SV2C: variants seen among roughly 807,000 people sequenced by gnomAD.
SV2C encodes the protein synaptic vesicle glycoprotein 2C.
In SV2C, 49 loss-of-function variants were observed where a neutral mutation model predicts 79.7. The observed-to-expected ratio is 0.61, with a 90% CI of 0.49 to 0.78. SV2C has a LOEUF of 0.78. Ranked by LOEUF, SV2C falls within the 30% of genes least tolerant of loss-of-function variation. The pLI is 0.00. For synonymous variants in SV2C, 334 were observed against 333.2 expected (o/e 1.00, Z -0.03); for missense variants, 833 against 912.9 (o/e 0.91, Z 1.13).
intron 4 of SV2C, among the ~76,000 whole-genome samples, chr5:76,281,725 T>C (rs1747201743): frequency 6.6e-6 from 1 of 152,180 alleles, no homozygotes; most frequent in South Asian, 2.1e-4. Flanking sequence ...CACTCCTCTA[T>C]CTTCAAAGCC....
At chr5:75,964,157 T>G in the SV2C span, among the ~76,000 whole-genome samples, 3 of 152,126 alleles carry the variant, frequency 2.0e-5, no homozygotes, top group African/African-American at 7.2e-5. Context: ...TGTTGTTGGT[T>G]TCTGTCATGT....
chr5:76,126,242 A>G (rs113171830), intron 1 of SV2C, among the ~76,000 whole-genome samples: 2,141 of 152,318 alleles, frequency 0.014, 16 homozygotes, highest in Non-Finnish European at 0.02. Flanking sequence ...GCTAAGCAAT[A>G]AAGAAAGGAA....
At chr5:76,008,765 C>T in the SV2C span, among the ~76,000 whole-genome samples, 4 of 152,124 alleles carry the variant, frequency 2.6e-5, no homozygotes, top group Admixed American at 6.5e-5. Flanking sequence ...GATCATTTCA[C>T]TTATCCAATC....
At chr5:76,069,129 A>C in the SV2C span, among the ~76,000 whole-genome samples, 1 of 152,206 alleles carries the variant, frequency 6.6e-6, no homozygotes, top group African/African-American at 2.4e-5. Flanking sequence ...GTTACAATTG[A>C]TCTTTTCATA....
At chr5:76,181,401 A>G (rs1161178977) in intron 2 of SV2C, among the ~76,000 whole-genome samples, 1 of 152,174 alleles carries the variant, frequency 6.6e-6, no homozygotes, top group Non-Finnish European at 1.5e-5. Flanking sequence ...GCCTTTTCAC[A>G]CTAGGGCTTT....
At chr5:76,286,016 C>T in intron 6 of SV2C, 146 bp downstream of exon 6, 1 of 612,882 alleles carries the variant, frequency 1.6e-6, no homozygotes, top group South Asian at 2.2e-5. Flanking sequence ...CAAAAGCAGC[C>T]ATAGGCAATG....
chr5:76,182,564 G>C (rs967107073), intron 2 of SV2C, among the ~76,000 whole-genome samples: 5 of 152,146 alleles, frequency 3.3e-5, no homozygotes, highest in South Asian at 2.1e-4. Flanking sequence ...TGAGGAAAGC[G>C]AGGTGCCTCG....
intron 12 of SV2C, among the ~76,000 whole-genome samples, chr5:76,340,057 A>G (rs1749411125): frequency 6.6e-6 from 1 of 152,210 alleles, no homozygotes; most frequent in Admixed American, 6.5e-5. Flanking sequence ...ACCTCTGATC[A>G]TCCTCAGTGC....
At chr5:76,065,884 C>A in the SV2C span, among the ~76,000 whole-genome samples, 1 of 152,116 alleles carries the variant, frequency 6.6e-6, no homozygotes, top group East Asian at 1.9e-4. Context: ...TTTTAGGGTT[C>A]TACTTTAGGA....
intron 4 of SV2C, among the ~76,000 whole-genome samples, chr5:76,245,424 A>G (rs1745915247): frequency 6.6e-6 from 1 of 152,196 alleles, no homozygotes; most frequent in Non-Finnish European, 1.5e-5. Context: ...AATGATTCTG[A>G]AGAGTCCAAG....
intron 8 of SV2C, among the ~76,000 whole-genome samples, chr5:76,292,763 G>A (rs1747607886): frequency 6.6e-6 from 1 of 152,174 alleles, no homozygotes. Flanking sequence ...CCATATATGT[G>A]TTCCAGGAAA....
intron 12 of SV2C, among the ~76,000 whole-genome samples, chr5:76,321,179 G>A (rs546397383): frequency 5.9e-5 from 9 of 152,204 alleles, no homozygotes; most frequent in Admixed American, 1.3e-4. Context: ...TACAAGTAGC[G>A]ATGAGTAGTT....
At chr5:76,308,911 C>T (rs1044557856) in intron 12 of SV2C, among the ~76,000 whole-genome samples, 7 of 152,068 alleles carry the variant, frequency 4.6e-5, no homozygotes, top group African/African-American at 1.7e-4. Context: ...TATGATACAA[C>T]CGTGAGTAAA....
At chr5:76,143,203 A>C (rs1468024487) in intron 2 of SV2C, among the ~76,000 whole-genome samples, 15 of 151,904 alleles carry the variant, frequency 9.9e-5, no homozygotes, top group Non-Finnish European at 1.5e-5. Flanking sequence ...TGGCCTCTTC[A>C]ATTTTTTCTT....
chr5:76,271,533 G>C (rs557092945), intron 4 of SV2C, among the ~76,000 whole-genome samples: 3 of 151,754 alleles, frequency 2.0e-5, no homozygotes, highest in African/African-American at 7.3e-5. Context: ...TGGAGCATAC[G>C]TGGAGCATTT....
chr5:76,264,698 T>C (rs906254143), intron 4 of SV2C, among the ~76,000 whole-genome samples: 1 of 152,224 alleles, frequency 6.6e-6, no homozygotes, highest in African/African-American at 2.4e-5. Flanking sequence ...GCCCCTCTTC[T>C]GCAGGTCTGC....
rs145589671 is a variant in SV2C, at chr5:76,242,449, A to G, written c.913+32562A>G. 7.5e-4 allele frequency: 434 copies of G among 575,174 alleles called. 2 individuals carry two copies. Among genetic ancestry groups the G allele is most frequent in the East Asian group, 2.7e-3 (61 of 22,964 alleles). The allele number at this position is 575,174 out of a possible 1,614,324, so 35.6% of individuals were successfully genotyped here. The stretch of plus-strand genomic sequence containing the variant: ...ATGATCTGCCCACCTCGGCCTCCCA[A>G]AGTGCTGTGATTACAGGCATGAACC... On this transcript the variant is annotated intron_variant, in intron 4 of 12. Transcript: ENST00000502798.
At chr5:76,105,379 C>G (rs988842774) in intron 1 of SV2C, among the ~76,000 whole-genome samples, 92 of 152,206 alleles carry the variant, frequency 6.0e-4, no homozygotes, top group African/African-American at 2.2e-3. Context: ...ATGGATACTG[C>G]CTCATCATAG....
chr5:76,251,259 G>A (rs527678516), intron 4 of SV2C, among the ~76,000 whole-genome samples: 3 of 152,222 alleles, frequency 2.0e-5, no homozygotes, highest in Non-Finnish European at 4.4e-5. Context: ...AGCACAGGTT[G>A]TGTCCAGGCA....
Sources: gnomAD v4.1 joint callset for allele counts (sites outside exome capture counted in the v4.1 genomes callset) on GRCh38, gnomAD v4.1.1 for gene constraint, MANE v1.5 for transcripts, NCBI Gene and HGNC (gene_info 2026-07-23, HGNC 2026-07-21) for gene names.